ITPK1: variants seen among roughly 807,000 people sequenced by gnomAD.
ITPK1 encodes the protein inositol 1,3,4-trisphosphate 5/6-kinase.
A neutral mutation model predicts 45.3 loss-of-function variants in ITPK1; 21 were observed. The ratio of observed to expected loss-of-function variants is 0.46; its 90% CI spans 0.33 to 0.67. The LOEUF (loss-of-function observed/expected upper bound fraction) is 0.67, where lower values mean the gene tolerates loss of function less well. ITPK1 is among the 30% of genes least tolerant of loss of function. The pLI, the probability that ITPK1 is intolerant of heterozygous loss-of-function variation, is 0.02. For synonymous variants in ITPK1, 258 were observed against 253.6 expected (o/e 1.02, Z -0.16); for missense variants, 474 against 573.5 (o/e 0.83, Z 1.77).
chr14:92,939,687 C>T lies in ITPK1; in HGVS notation c.*1874G>A. The T allele has an allele frequency of 1.0e-6, 1 of 985,422 alleles. No individual in the cohort carries two copies. Among genetic ancestry groups the T allele is most frequent in the Non-Finnish European group, 1.2e-6 (1 of 829,946 alleles). The allele number at this position is 985,422 out of a possible 1,614,324, so 61.0% of individuals were successfully genotyped here. A position where few individuals can be genotyped will look rare whatever the true frequency, so the allele number is the denominator to read the frequency against. On this transcript the variant is annotated 3_prime_UTR_variant, in exon 11 of 11. Coordinates refer to ENST00000267615, the MANE Select transcript of ITPK1 (RefSeq NM_014216.6). ...CCCTGGACGCGCAAGACCCCGGAGG[C>T]CACAAACGGTACAGGAACACAGCCA...
chr14:93,092,177 C>T (rs886694096), intron 2 of ITPK1, among the ~76,000 whole-genome samples: 8 of 152,204 alleles, frequency 5.3e-5, no homozygotes, highest in Non-Finnish European at 8.8e-5. Context: ...ACGCTAAGCC[C>T]AGCATGGGGA....
At chr14:92,984,790 G>A (rs1194903748) in intron 5 of ITPK1, among the ~76,000 whole-genome samples, 1 of 152,188 alleles carries the variant, frequency 6.6e-6, no homozygotes, top group Non-Finnish European at 1.5e-5. Context: ...AACTGGGGTG[G>A]TTGGGACACA....
At position 92,946,358 on chromosome 14, in the gene ITPK1, C is replaced by A. The variant is rs757209932; in HGVS notation, c.874G>T (p.Ala292Ser). Residue 292 changes from alanine to serine, a missense_variant, in exon 10 of 11, where the codon GCC becomes TCC. This residue lies in a region of ITPK1 where 367 missense variants were observed against 480.6 expected (regional missense o/e 0.76). Transcript: ENST00000267615. ...GGGAAGGCATTGATGTCAATGACGG[C>A]GTGCTGCCCTGTCTGGTTGTTGATG... ...IIINNQTGQH[A>S]VIDINAFPGY... The A allele has an allele frequency of 1.2e-6, 2 of 1,613,390 alleles. No homozygotes were observed. Among genetic ancestry groups the A allele is most frequent in the Non-Finnish European group, 1.7e-6 (2 of 1,180,002 alleles).
chr14:93,013,602 G>A (rs1420806767), intron 4 of ITPK1, among the ~76,000 whole-genome samples: 1 of 152,150 alleles, frequency 6.6e-6, no homozygotes, highest in African/African-American at 2.4e-5. Context: ...TGTGGAGAAG[G>A]CCCTTCAAGC....
At chr14:93,065,350 C>T (rs918291620) in intron 3 of ITPK1, among the ~76,000 whole-genome samples, 4 of 152,224 alleles carry the variant, frequency 2.6e-5, no homozygotes, top group Admixed American at 6.5e-5. Context: ...TTCAGACTCA[C>T]GCTTCCCTGG....
At chr14:92,969,822 T>C (rs572709962) in intron 5 of ITPK1, among the ~76,000 whole-genome samples, 82 of 152,250 alleles carry the variant, frequency 5.4e-4, no homozygotes, top group African/African-American at 1.7e-3. Flanking sequence ...TTTCTTTGGT[T>C]GGATGGTGGG....
chr14:93,049,448 C>A (rs1002787475), intron 3 of ITPK1, among the ~76,000 whole-genome samples: 1 of 152,066 alleles, frequency 6.6e-6, no homozygotes, highest in Non-Finnish European at 1.5e-5. Flanking sequence ...GGAGAGAGTG[C>A]GCAGGTGTTG....
At position 92,958,997 on chromosome 14, in the gene ITPK1, C is replaced by A. The variant is rs1884904102; in HGVS notation, c.505-631G>T. Among the ~76,000 whole-genome samples, 1 of 152,176 alleles carries A rather than the reference C, an allele frequency of 6.6e-6. No individual in the cohort carries two copies. Among genetic ancestry groups the A allele is most frequent in the Non-Finnish European group, 1.5e-5 (1 of 68,028 alleles). The stretch of plus-strand genomic sequence containing the variant: ...GACAGTGAGTGAGCCCGGGATGGAA[C>A]TGGGTCTGCACAGCACCCAGCCGCG... On this transcript the variant is annotated intron_variant, in intron 7 of 10. Transcript: ENST00000267615. This position sits in a 1 kb window ranked among gnomAD's most constrained non-coding sequence, Gnocchi z 4.4.
chr14:93,023,720 G>A (rs1212617737), intron 3 of ITPK1, among the ~76,000 whole-genome samples: 1 of 152,184 alleles, frequency 6.6e-6, no homozygotes, highest in Non-Finnish European at 1.5e-5. Flanking sequence ...GTATTTGGAT[G>A]AGAGAGGAAT....
At position 93,076,256 on chromosome 14, in the gene ITPK1, C is replaced by A. The variant is rs1220948317; in HGVS notation, c.120+339G>T. Reference sequence around the variant, plus strand: ...ACCCAGGGTGAGGCTACACAGAGCACAAGACAACTGGACATCTAGCTGGGT... The same window carrying A: ...ACCCAGGGTGAGGCTACACAGAGCAAAAGACAACTGGACATCTAGCTGGGT... On this transcript the variant is annotated intron_variant, in intron 3 of 10. Transcript: ENST00000267615. This position sits in a 1 kb window ranked among gnomAD's most constrained non-coding sequence, Gnocchi z 4.3. 6.6e-6 allele frequency among the ~76,000 whole-genome samples: 1 copy of A among 152,078 alleles called. No individual in the cohort carries two copies. Among genetic ancestry groups the A allele is most frequent in the African/African-American group, 2.4e-5 (1 of 41,378 alleles).
chr14:92,965,297 CAT>C (rs967766902), intron 5 of ITPK1, among the ~76,000 whole-genome samples: 2 of 152,200 alleles, frequency 1.3e-5, no homozygotes, highest in Non-Finnish European at 2.9e-5. Flanking sequence ...GCAGAAAAAG[CAT>C]TTGAAAAAAT....
At chr14:92,994,883 T>G (rs1723041162) in intron 4 of ITPK1, among the ~76,000 whole-genome samples, 1 of 152,202 alleles carries the variant, frequency 6.6e-6, no homozygotes, top group African/African-American at 2.4e-5. Flanking sequence ...AGGGTCTTTG[T>G]GGATGGAACA....
At chr14:93,018,784 A>G (rs1008856478) in intron 3 of ITPK1, among the ~76,000 whole-genome samples, 1 of 152,166 alleles carries the variant, frequency 6.6e-6, no homozygotes, top group Non-Finnish European at 1.5e-5. Context: ...TCCCTGCTGC[A>G]AAGACCAGGA....
At chr14:93,075,354 AAAAAAAAG>A in intron 3 of ITPK1, among the ~76,000 whole-genome samples, 2 of 143,992 alleles carry the variant, frequency 1.4e-5, no homozygotes, top group Admixed American at 6.7e-5. Flanking sequence ...AAAAAAAAAA[AAAAAAAAG>A]GAAGAGAAAA....
intron 5 of ITPK1, among the ~76,000 whole-genome samples, chr14:92,989,268 T>A (rs1886656251): frequency 6.6e-6 from 1 of 151,846 alleles, no homozygotes; most frequent in Non-Finnish European, 1.5e-5. Flanking sequence ...GCACCCCCCA[T>A]CCCCAGGGAG....
intron 3 of ITPK1, among the ~76,000 whole-genome samples, chr14:93,065,672 C>A (rs1482051935): frequency 1.3e-5 from 2 of 152,210 alleles, no homozygotes; most frequent in African/African-American, 4.8e-5. Context: ...CCTGAAGTCA[C>A]TTCTAGACCA....
chr14:92,955,517 G>GT (rs1884660325), intron 8 of ITPK1, among the ~76,000 whole-genome samples: 5 of 152,160 alleles, frequency 3.3e-5, no homozygotes, highest in African/African-American at 1.2e-4. Context: ...GGTGGAGGGA[G>GT]GGAAACAGTC....
chr14:93,019,521 T>C (rs1244003751), intron 3 of ITPK1, among the ~76,000 whole-genome samples: 2 of 152,190 alleles, frequency 1.3e-5, no homozygotes, highest in Non-Finnish European at 2.9e-5. Context: ...GAACAGCAGC[T>C]TGGGACACAC....
At chr14:93,027,021 A>G (rs553193422) in intron 3 of ITPK1, among the ~76,000 whole-genome samples, 1 of 152,330 alleles carries the variant, frequency 6.6e-6, no homozygotes, top group African/African-American at 2.4e-5. Context: ...TATAACAGTG[A>G]GAAAAAAATT....
Sources: allele counts gnomAD v4.1 joint callset (sites outside exome capture counted in the v4.1 genomes callset), GRCh38; gene constraint gnomAD v4.1.1; regional missense constraint gnomAD v4.1.1; non-coding constraint Gnocchi (gnomAD v3.1); transcripts MANE v1.5; gene names NCBI Gene and HGNC (gene_info 2026-07-23, HGNC 2026-07-21).